GNAL: variants seen among roughly 807,000 people sequenced by gnomAD.
The protein encoded by GNAL is guanine nucleotide-binding protein G(olf) subunit alpha.
Under a neutral mutation model 55.1 loss-of-function variants are expected in GNAL, and 18 were observed. That is an observed-to-expected ratio of 0.33 (90% CI 0.23 to 0.48). The LOEUF is 0.48. GNAL is among the 20% of genes least tolerant of loss of function. GNAL has a pLI of 0.99. For synonymous variants in GNAL, 253 were observed against 237.0 expected (o/e 1.07, Z -0.62); for missense variants, 412 against 614.1 (o/e 0.67, Z 3.48).
rs1250360711 is a variant in GNAL, at chr18:11,762,184, T to C, written c.624+8239T>C. ...AGCTGTCCATGGAGCTTCCCAGTAGTTGGCGAAGATGGAACGTGGCTTCCT... is the reference window on the plus strand; with the variant it reads ...AGCTGTCCATGGAGCTTCCCAGTAGCTGGCGAAGATGGAACGTGGCTTCCT... On this transcript the variant is annotated intron_variant, in intron 4 of 11. Coordinates refer to ENST00000334049, the MANE Select transcript of GNAL (RefSeq NM_182978.4). 3.3e-5 allele frequency among the ~76,000 whole-genome samples: 5 copies of C among 152,308 alleles called. No individual in the cohort carries two copies. In the South Asian group the frequency reaches 6.2e-4, roughly 19 times the overall value.
intron 1 of GNAL, among the ~76,000 whole-genome samples, chr18:11,728,182 C>T (rs1413259593): frequency 6.6e-6 from 1 of 152,076 alleles, no homozygotes; most frequent in Admixed American, 6.5e-5. Context: ...CCACTCCACT[C>T]CAGCCTGGGT....
intron 5 of GNAL, among the ~76,000 whole-genome samples, chr18:11,835,136 A>T (rs2035472113): frequency 6.6e-6 from 1 of 152,262 alleles, no homozygotes; most frequent in Non-Finnish European, 1.5e-5. Flanking sequence ...TATACACTTA[A>T]GATTTCTGTT....
chr18:11,834,971 T>C (rs2035468384), intron 5 of GNAL, among the ~76,000 whole-genome samples: 1 of 152,336 alleles, frequency 6.6e-6, no homozygotes, highest in Non-Finnish European at 1.5e-5. Context: ...GACTCGCTTC[T>C]ACCGTAAGAC....
rs752397156 is a variant in GNAL, at chr18:11,884,589, G to A, written c.*3454G>A. The A allele has an allele frequency of 7.4e-6, 12 of 1,613,810 alleles. No homozygotes were observed. Among genetic ancestry groups the A allele is most frequent in the Admixed American group, 1.7e-5 (1 of 59,992 alleles). On this transcript the variant is annotated 3_prime_UTR_variant, in exon 12 of 12. Coordinates refer to ENST00000334049, the MANE Select transcript of GNAL (RefSeq NM_182978.4). ...AAACCACATCCTCACGTGGGAGGTA[G>A]CACTTGGAGAGGGTGTAGTCTGTGG... is the stretch of plus-strand genomic sequence containing the variant.
chr18:11,711,838 TC>T (rs1352530361), intron 1 of GNAL, among the ~76,000 whole-genome samples: 2 of 152,238 alleles, frequency 1.3e-5, no homozygotes, highest in Non-Finnish European at 2.9e-5. Flanking sequence ...CAGCCACCTC[TC>T]CCAGTCCTTA....
At chr18:11,833,192 T>C (rs146149263) in intron 5 of GNAL, among the ~76,000 whole-genome samples, 2,541 of 151,924 alleles carry the variant, frequency 0.017, 70 homozygotes, top group African/African-American at 0.059. Flanking sequence ...CCACCACTCC[T>C]GGCTAATTTT....
At chr18:11,749,803 T>C (rs1362474454) in intron 1 of GNAL, among the ~76,000 whole-genome samples, 1 of 151,384 alleles carries the variant, frequency 6.6e-6, no homozygotes, top group Non-Finnish European at 1.5e-5. Context: ...GAAAAGAGAG[T>C]CCCCAGGTAT....
chr18:11,884,704 G>C lies in GNAL; in HGVS notation c.*3569G>C, dbSNP rs1194572051. On this transcript the variant is annotated 3_prime_UTR_variant, in exon 12 of 12. Coordinates refer to ENST00000334049, the MANE Select transcript of GNAL (RefSeq NM_182978.4). The stretch of plus-strand genomic sequence containing the variant: ...ACCGCAGTCTTAGAAACAGCAGAGG[G>C]AAGACTGCCTTCTCAGGTCCCCCTC... 8 of 1,474,868 alleles carry C rather than the reference G, an allele frequency of 5.4e-6. No homozygotes were observed. In the Admixed American group the frequency reaches 7.3e-5, roughly 13 times the overall value. 91.4% of individuals were successfully genotyped at this position (1,474,868 alleles called of 1,614,324 possible). A position where few individuals can be genotyped will look rare whatever the true frequency, so the allele number is the denominator to read the frequency against.
At chr18:11,867,111 G>T in intron 7 of GNAL, 57 bp from the exon 8 acceptor site, 2 of 1,313,168 alleles carry the variant, frequency 1.5e-6, no homozygotes, top group Non-Finnish European at 2.2e-6. Context: ...AAGCAAGCAC[G>T]TTTGCCATTG....
intron 1 of GNAL, chr18:11,746,043 T>C (rs1486870307): frequency 2.8e-6 from 1 of 357,234 alleles, no homozygotes; most frequent in East Asian, 6.6e-5. Flanking sequence ...TAACAGAAGA[T>C]GGATTTTGGT....
At chr18:11,738,582 G>C (rs575120767) in intron 1 of GNAL, among the ~76,000 whole-genome samples, 330 of 151,998 alleles carry the variant, frequency 2.2e-3, no homozygotes, top group Non-Finnish European at 3.5e-3. Context: ...TGAGTAGCTG[G>C]GATTACAGGC....
chr18:11,871,871 G>T (rs896124910), intron 9 of GNAL, among the ~76,000 whole-genome samples: 2 of 152,170 alleles, frequency 1.3e-5, no homozygotes, highest in Non-Finnish European at 2.9e-5. Flanking sequence ...TCCCTTATCC[G>T]AAATGCTTGG....
chr18:11,802,644 G>A (rs565327434), intron 4 of GNAL, among the ~76,000 whole-genome samples: 14 of 152,306 alleles, frequency 9.2e-5, no homozygotes, highest in South Asian at 2.1e-4. Flanking sequence ...TATATCAGGC[G>A]TAATTCTAGC....
chr18:11,781,430 T>C lies in GNAL; in HGVS notation c.624+27485T>C, dbSNP rs549834628. ...ACATTTAATGTGATAGCATTTCTCC[T>C]CCCATACACCCCCACAGCCTCAAAA... On this transcript the variant is annotated intron_variant, in intron 4 of 11. Transcript: ENST00000334049. 2.6e-5 allele frequency among the ~76,000 whole-genome samples: 4 copies of C among 152,274 alleles called. No individual in the cohort carries two copies. The South Asian group carries it at 8.3e-4, about 32-fold the overall frequency.
At chr18:11,701,121 G>A (rs1433596827) in intron 1 of GNAL, among the ~76,000 whole-genome samples, 11 of 152,178 alleles carry the variant, frequency 7.2e-5, no homozygotes, top group African/African-American at 2.2e-4. Flanking sequence ...ACCAGTCCGA[G>A]CCTGCACGTG....
At chr18:11,840,572 G>C (rs531639293) in intron 5 of GNAL, among the ~76,000 whole-genome samples, 6 of 152,192 alleles carry the variant, frequency 3.9e-5, no homozygotes, top group African/African-American at 7.2e-5. Context: ...CTGTGTGTTT[G>C]GTATCTGGGG....
Position 11,752,760 on chromosome 18 carries a change from C to A in GNAL, c.377-93C>A. ...AACCCGCGTGTAGGAAATCCCCGTG[C>A]TGGGGGAGGAGGATTGCTCAGACCC... On this transcript the variant is annotated intron_variant, in intron 1 of 11. Transcript: ENST00000334049. The surrounding 1 kb of genome is among the most constrained non-coding windows in gnomAD (Gnocchi z 4.5). 2 of 1,150,286 alleles carry A rather than the reference C, an allele frequency of 1.7e-6. No homozygotes were observed. The highest frequency in any genetic ancestry group is 1.3e-6 in the Non-Finnish European group (1 of 773,026). 71.3% of individuals were successfully genotyped at this position (1,150,286 alleles called of 1,614,324 possible). A position where few individuals can be genotyped will look rare whatever the true frequency, so the allele number is the denominator to read the frequency against.
intron 4 of GNAL, among the ~76,000 whole-genome samples, chr18:11,796,676 G>A (rs1257386793): frequency 7.3e-5 from 11 of 149,730 alleles, no homozygotes; most frequent in African/African-American, 2.7e-4. Flanking sequence ...CAGTGTCATA[G>A]AAACAGGTAT....
chr18:11,861,908 A>T (rs2036150565), intron 5 of GNAL, among the ~76,000 whole-genome samples: 1 of 151,542 alleles, frequency 6.6e-6, no homozygotes, highest in African/African-American at 2.4e-5. Flanking sequence ...TTACTCTTGC[A>T]CACCACATAC....
Sources: allele counts gnomAD v4.1 joint callset (sites outside exome capture counted in the v4.1 genomes callset), GRCh38; gene constraint gnomAD v4.1.1; non-coding constraint Gnocchi (gnomAD v3.1); transcripts MANE v1.5; gene names NCBI Gene and HGNC (gene_info 2026-07-23, HGNC 2026-07-21).